Variants in PKLR observed in about 807,000 individuals in gnomAD.
PKLR encodes pyruvate kinase PKLR.
PKLR carries 38 observed loss-of-function variants against 53.6 expected under a neutral mutation model. The ratio of observed to expected loss-of-function variants is 0.71; its 90% CI spans 0.55 to 0.93. The LOEUF (loss-of-function observed/expected upper bound fraction) is 0.93. PKLR is among the 40% of genes least tolerant of loss of function. The pLI, the probability that PKLR is intolerant of heterozygous loss-of-function variation, is 0.00. For missense variants in PKLR, 702 were observed against 787.3 expected (o/e 0.89, Z 1.30); for synonymous variants, 328 against 316.2 (o/e 1.04, Z -0.39).
At position 155,294,335 on chromosome 1, in the gene PKLR, T is replaced by C; in HGVS notation, c.1016A>G (p.Asp339Gly). Residue 339 changes from aspartate to glycine, a missense_variant, in exon 7 of 11, where the codon GAC becomes GGC. Physicochemically the swap from Asp to Gly is moderately conservative, Grantham distance 94 (BLOSUM62 -1). Around this residue, in one of 2 missense-constraint regions of PKLR, gnomAD observed 519 missense variants for 537.1 expected, o/e 0.97. Transcript: ENST00000342741. ...CTCTGCTGGGATCTCGATGCCTAGG[T>C]CCCCCCGTGCCACCATGATGCCGTC... ...VSDGIMVARGDLGIEIPAEKV... is the reference protein window; with the variant it reads ...VSDGIMVARGGLGIEIPAEKV... The C allele has an allele frequency of 6.2e-7, 1 of 1,613,286 alleles. No homozygotes were observed. Among genetic ancestry groups the C allele is most frequent in the Non-Finnish European group, 8.5e-7 (1 of 1,179,822 alleles).
At chr1:155,307,890 G>T in the PKLR span, among the ~76,000 whole-genome samples, 2 of 152,186 alleles carry the variant, frequency 1.3e-5, no homozygotes, top group South Asian at 4.1e-4. Flanking sequence ...GGGAAGCGAG[G>T]TTGCAGCCTC....
chr1:155,303,038 A>G (rs1276778295), upstream of PKLR, among the ~76,000 whole-genome samples: 1 of 152,116 alleles, frequency 6.6e-6, no homozygotes, highest in Non-Finnish European at 1.5e-5. Flanking sequence ...AATTTCTTAA[A>G]CACTCCTATA....
rs1557958688 is a variant in PKLR at position 155,294,282 on chromosome 1, T to C, written c.1069A>G (p.Ile357Val). ...EKVFLAQKMM[I>V]GRCNLAGKPV... Reference sequence around the variant, plus strand: ...TTGCCCGCCAAGTTGCAGCGCCCAATCATCATCTTCTGAGCCAGGAAAACC... The same window carrying C: ...TTGCCCGCCAAGTTGCAGCGCCCAACCATCATCTTCTGAGCCAGGAAAACC... Residue 357 changes from isoleucine (I) to valine (V), a missense_variant, in exon 7 of 11, where the codon ATT becomes GTT. Ile to Val is a conservative substitution (Grantham distance 29, BLOSUM62 3). Transcript: ENST00000342741. 4 of 1,613,934 alleles carry C rather than the reference T, an allele frequency of 2.5e-6. No individual in the cohort carries two copies. Among genetic ancestry groups the C allele is most frequent in the Non-Finnish European group, 2.5e-6 (3 of 1,180,012 alleles).
Position 155,294,660 on chromosome 1 carries a change from C to G in PKLR, c.787G>C (p.Gly263Arg). The G allele has an allele frequency of 1.2e-6, 2 of 1,614,122 alleles. No individual in the cohort carries two copies. The highest frequency in any genetic ancestry group is 1.7e-6 in the Non-Finnish European group (2 of 1,180,024). The change falls in exon 6 of 11, where the codon GGG becomes CGG. Residue 263 changes from glycine to arginine, a missense_variant. Around this residue, in one of 2 missense-constraint regions of PKLR, gnomAD observed 519 missense variants for 537.1 expected, o/e 0.97. Transcript: ENST00000342741. ...TCTCGGACGTCCTGCTCGGACAGCC[C>G]GGGCAAGTCCACCTGGGCCCCTGGC... is the stretch of plus-strand genomic sequence containing the variant. ...NLPGAQVDLP[G>R]LSEQDVRDLR...
chr1:155,298,519 G>A (rs1249112113), intron 2 of PKLR, among the ~76,000 whole-genome samples: 1 of 149,646 alleles, frequency 6.7e-6, no homozygotes. Context: ...TAGTAGAGAC[G>A]GGGTTTCTCC....
At position 155,295,573 on chromosome 1, in the gene PKLR, G is replaced by A. The variant is rs772979589; in HGVS notation, c.376-5C>T. Reference sequence around the variant, plus strand: ...GGCGATGGACTCAGCATGGTACTGGGGGAGGGAGCGGAGCGAGGGTTTCAG... The same window carrying A: ...GGCGATGGACTCAGCATGGTACTGGAGGAGGGAGCGGAGCGAGGGTTTCAG... On this transcript the variant is annotated splice_region_variant and splice_polypyrimidine_tract_variant and intron_variant, in intron 3 of 10. Coordinates refer to ENST00000342741, the MANE Select transcript of PKLR (RefSeq NM_000298.6). The surrounding 1 kb of genome is among the most constrained non-coding windows in gnomAD (Gnocchi z 4.3). 16 of 1,613,982 alleles carry A rather than the reference G, an allele frequency of 9.9e-6. No homozygotes were observed. Among genetic ancestry groups the A allele is most frequent in the Admixed American group, 1.7e-5 (1 of 60,004 alleles).
rs758278200 is a variant in PKLR at position 155,291,779 on chromosome 1, C to T, written c.1595G>A (p.Arg532Gln). ...ACCACTTTCAATGCCAAATTGCACC[C>T]GGCGATCTACATCATCTGCCCAGAT... ...EAIWADDVDR[R>Q]VQFGIESGKL... Residue 532 changes from arginine (R) to glutamine (Q), a missense_variant, in exon 10 of 11, where the codon CGG (arginine) becomes CAG (glutamine). Around this residue, in one of 2 missense-constraint regions of PKLR, gnomAD observed 183 missense variants for 250.2 expected, o/e 0.73. Transcript: ENST00000342741. The T allele has an allele frequency of 7.4e-6, 12 of 1,613,998 alleles. No individual in the cohort carries two copies. The highest frequency in any genetic ancestry group is 1.3e-5 in the African/African-American group (1 of 74,944).
intron 10 of PKLR, among the ~76,000 whole-genome samples, chr1:155,291,458 T>A (rs963524915): frequency 2.0e-5 from 3 of 150,962 alleles, no homozygotes; most frequent in African/African-American, 7.3e-5. Flanking sequence ...ATCGTACCCC[T>A]GCACTCCAGC....
At chr1:155,306,564 AG>A in the PKLR span, among the ~76,000 whole-genome samples, 2 of 152,194 alleles carry the variant, frequency 1.3e-5, no homozygotes, top group Non-Finnish European at 2.9e-5. The surrounding 1 kb of genome is among the most constrained non-coding windows in gnomAD (Gnocchi z 4.2). Context: ...GAAGGAGGTC[AG>A]GGCAGCTTAA....
intron 2 of PKLR, among the ~76,000 whole-genome samples, chr1:155,298,994 CTTTCT>C: frequency 1.0e-5 from 1 of 96,756 alleles, no homozygotes; most frequent in Non-Finnish European, 1.9e-5. Flanking sequence ...TTCTTTCTTT[CTTTCT>C]TTCTTTCTTT....
rs1268238122 is a variant in PKLR at position 155,293,629 on chromosome 1, A to C, written c.1117-39T>G. On this transcript the variant is annotated intron_variant, in intron 7 of 10. Transcript: ENST00000342741. This position sits in a 1 kb window ranked among gnomAD's most constrained non-coding sequence, Gnocchi z 4.2. ...TGGATGTCAAAGTTGTAGGACTCAC[A>C]CTGTGACTGGGGACCCTGCCCAAGC... 6.2e-7 allele frequency: 1 copy of C among 1,610,072 alleles called. No individual in the cohort carries two copies. The highest frequency in any genetic ancestry group is 8.5e-7 in the Non-Finnish European group (1 of 1,176,778).
chr1:155,298,660 A>C (rs1647736296), intron 2 of PKLR, among the ~76,000 whole-genome samples: 1 of 149,660 alleles, frequency 6.7e-6, no homozygotes, highest in African/African-American at 2.5e-5. Flanking sequence ...ACAAACAAAC[A>C]AACAGAGTTT....
At position 155,293,134 on chromosome 1, in the gene PKLR, C is replaced by T; in HGVS notation, c.1436+43G>A. 3 of 1,602,084 alleles carry T rather than the reference C, an allele frequency of 1.9e-6. No individual in the cohort carries two copies. The highest frequency in any genetic ancestry group is 2.6e-6 in the Non-Finnish European group (3 of 1,169,058). On this transcript the variant is annotated intron_variant, in intron 9 of 10. Transcript: ENST00000342741. This position sits in a 1 kb window ranked among gnomAD's most constrained non-coding sequence, Gnocchi z 4.2. Reference sequence around the variant, plus strand: ...GCCTGGGGCCCGTCCCAGCCCACCCCTGACCCAAAGCTCCATCTGGACATT... The same window carrying T: ...GCCTGGGGCCCGTCCCAGCCCACCCTTGACCCAAAGCTCCATCTGGACATT...
At position 155,291,856 on chromosome 1, in the gene PKLR, G is replaced by A. The variant is rs376065116; in HGVS notation, c.1518C>T (p.Val506=). ...VTRSAQAARQ[V]HLCRGVFPLL... ...AGGGGAAGACTCCTCGGCATAAGTG[G>A]ACCTGGCGGGCAGCCTGGGCAGAGC... The change falls in exon 10 of 11, where the codon GTC becomes GTT. Residue 506 remains valine (V), a synonymous_variant. Transcript: ENST00000342741. The A allele has an allele frequency of 4.5e-5, 72 of 1,614,000 alleles. No homozygotes were observed. Among genetic ancestry groups the A allele is most frequent in the Non-Finnish European group, 5.7e-5 (67 of 1,180,002 alleles).
chr1:155,299,036 CTTTCTTTCT>C (rs1557963547), intron 2 of PKLR, among the ~76,000 whole-genome samples: 1,034 of 58,102 alleles, frequency 0.018, 51 homozygotes, highest in African/African-American at 0.042. Flanking sequence ...CTTTCTTTCT[CTTTCTTTCT>C]TTCTTTCCTT....
intron 2 of PKLR, among the ~76,000 whole-genome samples, chr1:155,297,810 C>T (rs1013110671): frequency 1.3e-5 from 2 of 152,164 alleles, no homozygotes; most frequent in African/African-American, 4.8e-5. Context: ...GCTCTTCTAA[C>T]CTTCTTGACT....
At chr1:155,306,079 A>G (rs761457808), upstream of PKLR, among the ~76,000 whole-genome samples, 4 of 152,178 alleles carry the variant, frequency 2.6e-5, no homozygotes, top group Non-Finnish European at 5.9e-5. This position sits in a 1 kb window ranked among gnomAD's most constrained non-coding sequence, Gnocchi z 4.2. Context: ...GCTAAGGGAC[A>G]GACACTTTGA....
At chr1:155,303,814 T>C (rs1371540205), upstream of PKLR, among the ~76,000 whole-genome samples, 3 of 151,756 alleles carry the variant, frequency 2.0e-5, no homozygotes, top group Non-Finnish European at 4.4e-5. Flanking sequence ...TTAGACAAGA[T>C]GAGATGGTTG....
chr1:155,295,848 C>A lies in PKLR; in HGVS notation c.284-92G>T. ...ATTACCATTCTCAGAACGCCTCACG[C>A]CACAGGCGTCCTGTTACCTGATCTT... is the stretch of plus-strand genomic sequence containing the variant. On this transcript the variant is annotated intron_variant, in intron 2 of 10. Transcript: ENST00000342741. This position sits in a 1 kb window ranked among gnomAD's most constrained non-coding sequence, Gnocchi z 4.3. The A allele has an allele frequency of 2.9e-6, 3 of 1,032,292 alleles. No homozygotes were observed. The highest frequency in any genetic ancestry group is 1.5e-6 in the Non-Finnish European group (1 of 661,152). 63.9% of individuals were successfully genotyped at this position (1,032,292 alleles called of 1,614,324 possible).
Sources: allele counts gnomAD v4.1 joint callset (sites outside exome capture counted in the v4.1 genomes callset), GRCh38; gene constraint gnomAD v4.1.1; regional missense constraint gnomAD v4.1.1; non-coding constraint Gnocchi (gnomAD v3.1); transcripts MANE v1.5; gene names NCBI Gene and HGNC (gene_info 2026-07-23, HGNC 2026-07-21).